The following EMB variants were observed in gnomAD, a reference collection of about 807,000 sequenced individuals.
EMB encodes the protein embigin homolog.
EMB carries 31 observed loss-of-function variants against 41.4 expected under a neutral mutation model. The observed-to-expected ratio is 0.75, with a 90% CI of 0.56 to 1.01. The LOEUF (loss-of-function observed/expected upper bound fraction) is 1.01. Ranked by LOEUF, EMB falls within the 50% of genes least tolerant of loss-of-function variation. EMB has a pLI of 0.00. For synonymous variants in EMB, 137 were observed against 140.4 expected, an observed-to-expected ratio of 0.98 and a Z score of 0.17; for missense variants, 379 against 388.3, an observed-to-expected ratio of 0.98 and a Z score of 0.20.
In EMB at chr5:50,403,432, T is replaced by C. The variant is rs138270408; in HGVS notation, c.623A>G (p.Asn208Ser). ...SVKVPVGVQM[N>S]KYVINGTYAN... ...ATATGTTCCATTGATCACATATTTA[T>C]TCATTTGAACACCAACAGGAACCTA... The change falls in exon 6 of 9, where the codon AAT becomes AGT. Residue 208 changes from asparagine to serine, a missense_variant. Physicochemically the swap from Asn to Ser is conservative, Grantham distance 46. Coordinates refer to ENST00000303221, the MANE Select transcript of EMB (RefSeq NM_198449.3). 9 of 1,612,174 alleles carry C rather than the reference T, an allele frequency of 5.6e-6. No individual in the cohort carries two copies. In the African/African-American group the frequency reaches 1.2e-4, roughly 22 times the overall value.
intron 2 of EMB, among the ~76,000 whole-genome samples, chr5:50,424,578 A>C (rs1038184965): frequency 1.3e-5 from 2 of 152,188 alleles, no homozygotes; most frequent in Non-Finnish European, 2.9e-5. Flanking sequence ...TAATCACAAG[A>C]TTATTAAATC....
intron 2 of EMB, among the ~76,000 whole-genome samples, chr5:50,413,720 C>T (rs577916770): frequency 2.0e-5 from 3 of 151,772 alleles, no homozygotes; most frequent in South Asian, 2.1e-4. Flanking sequence ...GGATTACAGG[C>T]GCCTGCCACC....
At chr5:50,405,552 C>T (rs1367135542) in intron 5 of EMB, among the ~76,000 whole-genome samples, 173 bp downstream of exon 5, 1 of 151,806 alleles carries the variant, frequency 6.6e-6, no homozygotes, top group African/African-American at 2.4e-5. Context: ...TGCCAAAAAC[C>T]ATCAAATGAC....
chr5:50,424,371 G>C (rs1293414848), intron 2 of EMB, among the ~76,000 whole-genome samples: 1 of 152,102 alleles, frequency 6.6e-6, no homozygotes, highest in African/African-American at 2.4e-5. Flanking sequence ...ATACATATCA[G>C]AGAAGCAGGA....
intron 2 of EMB, among the ~76,000 whole-genome samples, chr5:50,413,254 G>C (rs1745373883): frequency 6.6e-6 from 1 of 152,126 alleles, no homozygotes; most frequent in South Asian, 2.1e-4. Context: ...GAATAAAAAA[G>C]AAATCATACA....
Position 50,427,507 on chromosome 5 carries a change from T to A in EMB, c.196+637A>T, listed in dbSNP as rs545526185. ...ATGAAGACATTATTATTATTATTATTATATTATTATTATTATTATTTGACA... is the reference window on the plus strand; with the variant it reads ...ATGAAGACATTATTATTATTATTATAATATTATTATTATTATTATTTGACA... On this transcript the variant is annotated intron_variant, in intron 2 of 8. Transcript: ENST00000303221. Among the ~76,000 whole-genome samples the A allele has an allele frequency of 8.3e-4, 124 of 148,908 alleles. 1 individual carries two copies. The highest frequency in any genetic ancestry group is 2.8e-3 in the African/African-American group (111 of 39,712).
intron 2 of EMB, among the ~76,000 whole-genome samples, chr5:50,421,344 G>A (rs1361474634): frequency 6.6e-6 from 1 of 152,152 alleles, no homozygotes; most frequent in Non-Finnish European, 1.5e-5. Flanking sequence ...ACCACAATGA[G>A]ATACCATCTC....
At chr5:50,423,394 C>G (rs1456530374) in intron 2 of EMB, among the ~76,000 whole-genome samples, 1 of 152,044 alleles carries the variant, frequency 6.6e-6, no homozygotes, top group African/African-American at 2.4e-5. Context: ...TATTTCACCT[C>G]CTGAAGTTCT....
At chr5:50,442,603 T>G (rs16879094), upstream of EMB, among the ~76,000 whole-genome samples, 59,938 of 151,966 alleles carry the variant, frequency 0.39, 12,367 homozygotes, top group African/African-American at 0.51. Context: ...TGGTCAAAAT[T>G]ATTAAAATCT....
rs148128336 is a variant in EMB, at chr5:50,398,251, T to C, written c.*1022A>G. 6 of 151,998 alleles carry C rather than the reference T, an allele frequency of 3.9e-5. No homozygotes were observed. Among genetic ancestry groups the C allele is most frequent in the Admixed American group, 1.3e-4 (2 of 15,196 alleles). 9.4% of individuals were successfully genotyped at this position (151,998 alleles called of 1,614,324 possible). A position where few individuals can be genotyped will look rare whatever the true frequency, so the allele number is the denominator to read the frequency against. On this transcript the variant is annotated 3_prime_UTR_variant, in exon 9 of 9. Transcript: ENST00000303221. ...ATTTGATTACAGTGAGTTTATAAAATATTTCAGTTATATATGCAATAGAAA... is the reference window on the plus strand; with the variant it reads ...ATTTGATTACAGTGAGTTTATAAAACATTTCAGTTATATATGCAATAGAAA...
intron 1 of EMB, among the ~76,000 whole-genome samples, chr5:50,431,447 A>C (rs1454563849): frequency 6.6e-6 from 1 of 152,216 alleles, no homozygotes; most frequent in African/African-American, 2.4e-5. Flanking sequence ...TGGTTTGAAT[A>C]CTTCCCTAAA....
chr5:50,409,390 A>G (rs1745298397), intron 4 of EMB, among the ~76,000 whole-genome samples: 1 of 152,146 alleles, frequency 6.6e-6, no homozygotes, highest in Non-Finnish European at 1.5e-5. Flanking sequence ...CTTAGAAAAA[A>G]AAAGAAAAAA....
At chr5:50,406,980 A>G (rs1323249394) in intron 4 of EMB, among the ~76,000 whole-genome samples, 1 of 151,988 alleles carries the variant, frequency 6.6e-6, no homozygotes, top group African/African-American at 2.4e-5. Flanking sequence ...AAGAGGCACA[A>G]GATGCACTAG....
chr5:50,413,935 G>T (rs1745386291), intron 2 of EMB, among the ~76,000 whole-genome samples: 1 of 151,882 alleles, frequency 6.6e-6, no homozygotes, highest in Non-Finnish European at 1.5e-5. Context: ...GCTATGTTTG[G>T]GGCACCTGAA....
chr5:50,398,393 G>C lies in EMB; in HGVS notation c.*880C>G, dbSNP rs1026937292. 9 of 151,856 alleles carry C rather than the reference G, an allele frequency of 5.9e-5. No homozygotes were observed. The highest frequency in any genetic ancestry group is 1.0e-4 in the Non-Finnish European group (7 of 67,944). The allele number at this position is 151,856 out of a possible 1,614,324, so 9.4% of individuals were successfully genotyped here. A position where few individuals can be genotyped will look rare whatever the true frequency, so the allele number is the denominator to read the frequency against. ...ATTATTGTAAAGCACTAATAATGCA[G>C]GTTTAGATATTTAACCAGCCATAGA... On this transcript the variant is annotated 3_prime_UTR_variant, in exon 9 of 9. Transcript: ENST00000303221.
intron 7 of EMB, 23 bp from the exon 8 acceptor site, chr5:50,399,936 A>G: frequency 8.4e-6 from 13 of 1,550,658 alleles, no homozygotes; most frequent in Non-Finnish European, 1.1e-5. Context: ...CAAAAAAGAA[A>G]ATTACTAAAT....
chr5:50,410,189 T>C (rs1324140466), intron 4 of EMB, among the ~76,000 whole-genome samples: 1 of 152,126 alleles, frequency 6.6e-6, no homozygotes, highest in Non-Finnish European at 1.5e-5. Flanking sequence ...ATTTCCCAAA[T>C]ACCAGCACGA....
At chr5:50,434,706 T>A (rs1429754852) in intron 1 of EMB, among the ~76,000 whole-genome samples, 3 of 152,130 alleles carry the variant, frequency 2.0e-5, no homozygotes, top group African/African-American at 7.2e-5. Context: ...CTCAATAACT[T>A]CAAAAATGCC....
chr5:50,401,227 A>G (rs1745157055), intron 7 of EMB, among the ~76,000 whole-genome samples: 1 of 151,944 alleles, frequency 6.6e-6, no homozygotes, highest in African/African-American at 2.4e-5. Context: ...TGATGTAGTT[A>G]TTTTGTGCCC....
Sources: allele counts gnomAD v4.1 joint callset (sites outside exome capture counted in the v4.1 genomes callset), GRCh38; gene constraint gnomAD v4.1.1; transcripts MANE v1.5; gene names NCBI Gene and HGNC (gene_info 2026-07-23, HGNC 2026-07-21).